Variants in DNAI1 observed in about 807,000 individuals in gnomAD.
The protein encoded by DNAI1 is dynein, axonemal, intermediate polypeptide 1.
Under a neutral mutation model 92.0 loss-of-function variants are expected in DNAI1, and 67 were observed. The ratio of observed to expected loss-of-function variants is 0.73; its 90% CI spans 0.60 to 0.89. The LOEUF is 0.89. Among genes scored for constraint, DNAI1 ranks in the 40% least tolerant of loss-of-function variants. The pLI, the probability that DNAI1 is intolerant of heterozygous loss-of-function variation, is 0.00. For missense variants in DNAI1, 839 were observed against 866.6 expected (o/e 0.97, Z 0.40); for synonymous variants, 323 against 319.6 (o/e 1.01, Z -0.11).
intron 12 of DNAI1, among the ~76,000 whole-genome samples, chr9:34,502,717 G>T (rs572832570): frequency 1.3e-5 from 2 of 152,146 alleles, no homozygotes; most frequent in East Asian, 3.9e-4. Context: ...ACCTGAGAAC[G>T]GTCTCTTTGT....
chr9:34,505,357 C>T (rs989413043), intron 12 of DNAI1, among the ~76,000 whole-genome samples: 3 of 152,098 alleles, frequency 2.0e-5, no homozygotes, highest in South Asian at 2.1e-4. Flanking sequence ...CATCTCCTTC[C>T]CTGACTCTCC....
At chr9:34,491,417 C>G in intron 7 of DNAI1, 78 bp from the exon 8 acceptor site, 1 of 1,535,838 alleles carries the variant, frequency 6.5e-7, no homozygotes. Context: ...CAAAATGCTT[C>G]TCTCAAAGAT....
chr9:34,499,046 T>C (rs928457822), intron 10 of DNAI1, among the ~76,000 whole-genome samples: 7 of 152,256 alleles, frequency 4.6e-5, no homozygotes, highest in Non-Finnish European at 8.8e-5. Context: ...CACAGTCACA[T>C]AAAAATGTAT....
At chr9:34,492,471 G>C (rs1390916634) in intron 8 of DNAI1, among the ~76,000 whole-genome samples, 2 of 129,466 alleles carry the variant, frequency 1.5e-5, no homozygotes, top group African/African-American at 5.9e-5. Flanking sequence ...TGCCATGTCC[G>C]GGGTGGGGGT....
At chr9:34,494,164 CT>C (rs1824669712) in intron 9 of DNAI1, among the ~76,000 whole-genome samples, 2 of 152,076 alleles carry the variant, frequency 1.3e-5, no homozygotes, top group Admixed American at 1.3e-4. Context: ...GTTCCCATGG[CT>C]GCTCTCGGGG....
At position 34,492,519 on chromosome 9, in the gene DNAI1, T is replaced by G. The variant is rs866893094; in HGVS notation, c.682-675T>G. Among the ~76,000 whole-genome samples, 92 of 120,124 alleles carry G rather than the reference T, an allele frequency of 7.7e-4. 2 individuals are homozygous for G. The South Asian group carries it at 7.7e-3, about 10-fold the overall frequency. The allele number at this position is 120,124 out of a possible 152,430, so 78.8% of individuals were successfully genotyped here. ...ATATATATATATATATATATATATA[T>G]ATATATATATATATATTTGAGACAA... On this transcript the variant is annotated intron_variant, in intron 8 of 19. Coordinates refer to ENST00000242317, the MANE Select transcript of DNAI1 (RefSeq NM_012144.4).
At chr9:34,464,023 T>C (rs1253966958) in intron 1 of DNAI1, among the ~76,000 whole-genome samples, 1 of 152,184 alleles carries the variant, frequency 6.6e-6, no homozygotes, top group Non-Finnish European at 1.5e-5. Context: ...CTTACACATA[T>C]ATTCCTTAAG....
Position 34,508,476 on chromosome 9 carries a change from C to A in DNAI1, c.1311+1602C>A, listed in dbSNP as rs771990531. On this transcript the variant is annotated intron_variant, in intron 13 of 19. Coordinates refer to ENST00000242317, the MANE Select transcript of DNAI1 (RefSeq NM_012144.4). ...TCCACCTCCCAATTAATCACCAGGC[C>A]TTCCAGACACATGTAGGTCTCCAGG... 1.1e-4 allele frequency among the ~76,000 whole-genome samples: 17 copies of A among 152,198 alleles called. 1 individual carries two copies. The highest frequency in any genetic ancestry group is 1.9e-4 in the Non-Finnish European group (13 of 68,036).
At chr9:34,475,897 AAT>A (rs1283452602) in intron 1 of DNAI1, among the ~76,000 whole-genome samples, 1 of 152,158 alleles carries the variant, frequency 6.6e-6, no homozygotes, top group Non-Finnish European at 1.5e-5. Context: ...TTATCACTAA[AAT>A]ACGCTCAGGG....
At chr9:34,501,057 C>G in intron 11 of DNAI1, 81 bp from the exon 12 acceptor site, 1 of 1,204,696 alleles carries the variant, frequency 8.3e-7, no homozygotes, top group South Asian at 1.2e-5. Context: ...TATTTAGGCA[C>G]CAGTGCCAAT....
chr9:34,472,836 C>T (rs889352820), intron 1 of DNAI1, among the ~76,000 whole-genome samples: 5 of 151,652 alleles, frequency 3.3e-5, no homozygotes, highest in Non-Finnish European at 5.9e-5. Context: ...CAGGAGGTCA[C>T]AGCTGCAGTG....
At position 34,485,448 on chromosome 9, in the gene DNAI1, G is replaced by C; in HGVS notation, c.192G>C (p.Glu64Asp). The C allele has an allele frequency of 6.2e-7, 1 of 1,614,124 alleles. No individual in the cohort carries two copies. The highest frequency in any genetic ancestry group is 8.5e-7 in the Non-Finnish European group (1 of 1,180,014). Reference sequence around the variant, plus strand: ...TTTTTCTCCCTCAGGAGTTAAAGGAGGAGTTCACTCGGATTTTGACAGCCA... The same window carrying C: ...TTTTTCTCCCTCAGGAGTTAAAGGACGAGTTCACTCGGATTTTGACAGCCA... Reference protein sequence around the residue: ...QLELTDAELKEEFTRILTANN... With the variant: ...QLELTDAELKDEFTRILTANN... The change falls in exon 4 of 20, where the codon GAG becomes GAC. Residue 64 changes from glutamate (E) to aspartate (D), a missense_variant. Glu to Asp is a conservative substitution (Grantham distance 45, BLOSUM62 2). Transcript: ENST00000242317.
chr9:34,474,730 G>A (rs918317195), intron 1 of DNAI1, among the ~76,000 whole-genome samples: 5 of 151,696 alleles, frequency 3.3e-5, no homozygotes, highest in African/African-American at 4.8e-5. Context: ...CACCATGTCC[G>A]GCTAATTTTT....
intron 1 of DNAI1, among the ~76,000 whole-genome samples, chr9:34,483,208 G>C (rs1412575463): frequency 1.3e-5 from 2 of 152,216 alleles, no homozygotes; most frequent in Admixed American, 1.3e-4. Flanking sequence ...GCCTTGGCCA[G>C]CCCAGAAAGG....
chr9:34,469,467 A>C (rs765150169), intron 1 of DNAI1, among the ~76,000 whole-genome samples: 17 of 151,218 alleles, frequency 1.1e-4, no homozygotes, highest in Middle Eastern at 3.4e-3. Flanking sequence ...GGGTCTCACT[A>C]TGTTGCCTAG....
chr9:34,471,751 C>T (rs1173654004), intron 1 of DNAI1, among the ~76,000 whole-genome samples: 2 of 151,600 alleles, frequency 1.3e-5, no homozygotes, highest in Non-Finnish European at 2.9e-5. Flanking sequence ...GCCTGGGCTA[C>T]AGTGTGAGAC....
chr9:34,460,361 C>A (rs965800983), intron 1 of DNAI1, among the ~76,000 whole-genome samples: 1 of 152,210 alleles, frequency 6.6e-6, no homozygotes, highest in African/African-American at 2.4e-5. Context: ...TCCAGATTTA[C>A]CCCACTCAAG....
At position 34,517,414 on chromosome 9, in the gene DNAI1, C is replaced by G. The variant is rs140820295; in HGVS notation, c.1948C>G (p.Arg650Gly). The G allele has an allele frequency of 6.2e-7, 1 of 1,614,192 alleles. No homozygotes were observed. The highest frequency in any genetic ancestry group is 2.2e-5 in the East Asian group (1 of 44,884). Residue 650 changes from arginine to glycine, a missense_variant, in exon 19 of 20, where the codon CGT (arginine) becomes GGT (glycine). Arg to Gly is a moderately radical substitution (Grantham distance 125). Transcript: ENST00000242317. ...IHPIIIVGDD[R>G]GHIISLKLSP... ...CCCCATCATCATTGTGGGCGATGAC[C>G]GTGGGCACATCATCAGCCTCAAGCT...
rs754223016 is a variant in DNAI1 at position 34,513,200 on chromosome 9, G to T, written c.1569+9G>T. ...AGGGAAAAATCTACAAGGTGAGGCT[G>T]CCCTGTGCCAGCTCCTTAGAAGGCC... On this transcript the variant is annotated intron_variant, in intron 16 of 19. Transcript: ENST00000242317. 6.2e-7 allele frequency: 1 copy of T among 1,611,954 alleles called. No individual in the cohort carries two copies. The highest frequency in any genetic ancestry group is 8.5e-7 in the Non-Finnish European group (1 of 1,177,970).
Sources: allele counts gnomAD v4.1 joint callset (sites outside exome capture counted in the v4.1 genomes callset), GRCh38; gene constraint gnomAD v4.1.1; transcripts MANE v1.5; gene names NCBI Gene and HGNC (gene_info 2026-07-23, HGNC 2026-07-21).